STK32A: variants seen among roughly 807,000 people sequenced by gnomAD.
STK32A encodes serine/threonine-protein kinase 32A.
STK32A carries 41 observed loss-of-function variants against 53.2 expected under a neutral mutation model. The ratio of observed to expected loss-of-function variants is 0.77; its 90% CI spans 0.60 to 1.00. STK32A has a LOEUF of 1.00. STK32A is among the 50% of genes least tolerant of loss of function. The pLI, the probability that STK32A is intolerant of heterozygous loss-of-function variation, is 0.00. For synonymous variants in STK32A, 166 were observed against 162.8 expected (o/e 1.02, Z -0.15); for missense variants, 458 against 485.8 (o/e 0.94, Z 0.54).
chr5:147,335,792 T>A (rs1022261799), intron 5 of STK32A, among the ~76,000 whole-genome samples: 2 of 151,796 alleles, frequency 1.3e-5, no homozygotes. Flanking sequence ...TGTGTGTGTA[T>A]GTGTGTGTGT....
rs1246518158 is a variant in STK32A at position 147,347,451 on chromosome 5, T to C, written c.473-3614T>C. 2.6e-5 allele frequency among the ~76,000 whole-genome samples: 4 copies of C among 152,296 alleles called. No individual in the cohort carries two copies. In the East Asian group the frequency reaches 5.8e-4, roughly 22 times the overall value. ...GTAATTTTGCTCTACTCCTTCTCCCTGCAGAGGACATTTGGTAATTTCTGG... is the reference window on the plus strand; with the variant it reads ...GTAATTTTGCTCTACTCCTTCTCCCCGCAGAGGACATTTGGTAATTTCTGG... On this transcript the variant is annotated intron_variant, in intron 6 of 12. Transcript: ENST00000397936.
At chr5:147,304,172 A>G (rs889127351) in intron 4 of STK32A, among the ~76,000 whole-genome samples, 2 of 152,212 alleles carry the variant, frequency 1.3e-5, no homozygotes, top group Non-Finnish European at 2.9e-5. Context: ...GTCAGCTCCA[A>G]CCAATTTTCT....
the STK32A span, chr5:147,400,662 G>A: frequency 6.2e-7 from 1 of 1,608,502 alleles, no homozygotes; most frequent in Admixed American, 1.7e-5. Flanking sequence ...TTTTGGCTCT[G>A]GCCACCCTCC....
chr5:147,371,539 G>T (rs1757006769), intron 9 of STK32A, among the ~76,000 whole-genome samples: 1 of 152,112 alleles, frequency 6.6e-6, no homozygotes, highest in South Asian at 2.1e-4. Flanking sequence ...TCCAATCCTA[G>T]TTCCTCCAGT....
At chr5:147,328,121 C>T (rs1754691019) in intron 5 of STK32A, among the ~76,000 whole-genome samples, 1 of 152,188 alleles carries the variant, frequency 6.6e-6, no homozygotes, top group South Asian at 2.1e-4. Flanking sequence ...CTCATGAGAG[C>T]TCTGAGGGTG....
chr5:147,300,383 T>G (rs1753071335), intron 4 of STK32A, among the ~76,000 whole-genome samples: 1 of 152,174 alleles, frequency 6.6e-6, no homozygotes, highest in South Asian at 2.1e-4. Context: ...TCTCTGAGAC[T>G]CCTGCAAAAA....
At chr5:147,299,062 C>A (rs1272816330) in intron 4 of STK32A, among the ~76,000 whole-genome samples, 2 of 151,918 alleles carry the variant, frequency 1.3e-5, no homozygotes, top group Non-Finnish European at 2.9e-5. Context: ...GAATTCAGGG[C>A]AAGTTTGCAG....
intron 4 of STK32A, among the ~76,000 whole-genome samples, chr5:147,313,435 A>G (rs1753802966): frequency 6.6e-6 from 1 of 152,202 alleles, no homozygotes; most frequent in Non-Finnish European, 1.5e-5. Context: ...TCTATTTCCT[A>G]GTGTGGTTTG....
chr5:147,251,521 A>G (rs775357139), intron 2 of STK32A, among the ~76,000 whole-genome samples: 1 of 152,230 alleles, frequency 6.6e-6, no homozygotes, highest in Non-Finnish European at 1.5e-5. Flanking sequence ...ATCTTGATCT[A>G]AAATGAATAC....
chr5:147,360,475 A>T (rs201805374), intron 7 of STK32A, among the ~76,000 whole-genome samples: 1 of 143,320 alleles, frequency 7.0e-6, no homozygotes, highest in African/African-American at 2.8e-5. Context: ...AAAGAAAAAA[A>T]AAAGAAAGAA....
chr5:147,385,075 C>T lies in STK32A; in HGVS notation c.*1092C>T, dbSNP rs561970242. 1 of 152,272 alleles carries T rather than the reference C, an allele frequency of 6.6e-6. No homozygotes were observed. Among genetic ancestry groups the T allele is most frequent in the South Asian group, 2.1e-4 (1 of 4,822 alleles). The allele number at this position is 152,272 out of a possible 1,614,324, so 9.4% of individuals were successfully genotyped here. The stretch of plus-strand genomic sequence containing the variant: ...ACTTAGTTATTTTTATTTTTGGTCT[C>T]ATTTTGGCTAATACCAGATGAGCTA... On this transcript the variant is annotated 3_prime_UTR_variant, in exon 13 of 13. Coordinates refer to ENST00000397936, the MANE Select transcript of STK32A (RefSeq NM_001112724.2).
At chr5:147,401,533 C>T in the STK32A span, 1 of 1,609,356 alleles carries the variant, frequency 6.2e-7, no homozygotes, top group Non-Finnish European at 8.5e-7. Context: ...GGCATTCCTG[C>T]ACCAACCTGG....
intron 5 of STK32A, among the ~76,000 whole-genome samples, chr5:147,337,424 T>C (rs960428469): frequency 1.3e-5 from 2 of 152,202 alleles, no homozygotes; most frequent in African/African-American, 4.8e-5. Flanking sequence ...CAATGGTAAA[T>C]GTGGCGCATC....
At chr5:147,292,358 T>G (rs938398899) in intron 4 of STK32A, among the ~76,000 whole-genome samples, 14 of 152,316 alleles carry the variant, frequency 9.2e-5, no homozygotes, top group African/African-American at 3.4e-4. Context: ...CTTACTGAAC[T>G]TACACAAATA....
At chr5:147,317,757 C>T (rs908311175) in intron 4 of STK32A, among the ~76,000 whole-genome samples, 6 of 152,116 alleles carry the variant, frequency 3.9e-5, no homozygotes, top group African/African-American at 1.4e-4. Flanking sequence ...CCAACTCTAG[C>T]ATGCAAACAT....
rs74503831 is a variant in STK32A at position 147,371,420 on chromosome 5, C to T, written c.777+650C>T. 7.3e-3 allele frequency among the ~76,000 whole-genome samples: 1,104 copies of T among 152,214 alleles called. 10 individuals are homozygous for T. Among genetic ancestry groups the T allele is most frequent in the African/African-American group, 0.025 (1,041 of 41,538 alleles). On this transcript the variant is annotated intron_variant, in intron 9 of 12. Coordinates refer to ENST00000397936, the MANE Select transcript of STK32A (RefSeq NM_001112724.2). ...TTTGACTACACATAAACTGCTTTGGCCTTTTTCTTCTTCTTTTCTTTCTTT... is the reference window on the plus strand; with the variant it reads ...TTTGACTACACATAAACTGCTTTGGTCTTTTTCTTCTTCTTTTCTTTCTTT...
intron 7 of STK32A, among the ~76,000 whole-genome samples, chr5:147,355,594 C>A (rs1427887939): frequency 6.6e-6 from 1 of 151,978 alleles, no homozygotes; most frequent in African/African-American, 2.4e-5. Context: ...AGGAGAATGG[C>A]GCGAACCCGG....
At chr5:147,311,531 A>G (rs1753695998) in intron 4 of STK32A, among the ~76,000 whole-genome samples, 1 of 152,194 alleles carries the variant, frequency 6.6e-6, no homozygotes, top group Non-Finnish European at 1.5e-5. Context: ...ATACAATATA[A>G]TGCAATGCAG....
intron 5 of STK32A, among the ~76,000 whole-genome samples, chr5:147,328,470 T>C (rs1331637267): frequency 6.6e-6 from 1 of 152,210 alleles, no homozygotes; most frequent in Non-Finnish European, 1.5e-5. Flanking sequence ...TTTCTATCGT[T>C]GTTAAAGACA....
Sources: allele counts gnomAD v4.1 joint callset (sites outside exome capture counted in the v4.1 genomes callset), GRCh38; gene constraint gnomAD v4.1.1; transcripts MANE v1.5; gene names NCBI Gene and HGNC (gene_info 2026-07-23, HGNC 2026-07-21).